Variants in GCSAML observed in about 807,000 individuals in gnomAD.
GCSAML encodes the protein germinal center associated signaling and motility like.
A neutral mutation model predicts 13.0 loss-of-function variants in GCSAML; 9 were observed. The ratio of observed to expected loss-of-function variants is 0.69; its 90% CI spans 0.42 to 1.21. The LOEUF (loss-of-function observed/expected upper bound fraction) is 1.21. Ranked by LOEUF, GCSAML falls within the 50% of genes most tolerant of loss-of-function variation. GCSAML has a pLI of 0.00. For synonymous variants in GCSAML, 37 were observed against 52.9 expected (o/e 0.70, Z 1.31); for missense variants, 143 against 153.4 (o/e 0.93, Z 0.36).
chr1:247,524,050 A>C (rs1040736130), intron 1 of GCSAML, among the ~76,000 whole-genome samples: 2 of 150,326 alleles, frequency 1.3e-5, no homozygotes, highest in Admixed American at 6.7e-5. Flanking sequence ...CAGTGAATTG[A>C]AAACCTAAAC....
At chr1:247,544,862 A>C (rs768890362), upstream of GCSAML, among the ~76,000 whole-genome samples, 1 of 152,188 alleles carries the variant, frequency 6.6e-6, no homozygotes. Flanking sequence ...TAAAACAAAA[A>C]CAAAACAAAA....
chr1:247,532,042 C>CTGG, intron 2 of GCSAML: 1 of 1,614,042 alleles, frequency 6.2e-7, no homozygotes, highest in East Asian at 2.2e-5. Flanking sequence ...GCCCACCATG[C>CTGG]TGGTGGTCAG....
chr1:247,548,521 T>G (rs779140985), upstream of GCSAML, among the ~76,000 whole-genome samples: 7 of 152,238 alleles, frequency 4.6e-5, no homozygotes, highest in African/African-American at 2.4e-5. This position sits in a 1 kb window ranked among gnomAD's most constrained non-coding sequence, Gnocchi z 5.3. Context: ...CCATCTTGTC[T>G]TTGAAAGTAT....
intron 3 of GCSAML, among the ~76,000 whole-genome samples, chr1:247,564,475 A>T (rs1208875705): frequency 6.6e-6 from 1 of 152,174 alleles, no homozygotes; most frequent in African/African-American, 2.4e-5. Flanking sequence ...TATGAATAAC[A>T]GGGCTCAGCC....
chr1:247,546,370 A>AT (rs199705621), upstream of GCSAML, among the ~76,000 whole-genome samples: 1,050 of 151,634 alleles, frequency 6.9e-3, 9 homozygotes, highest in African/African-American at 0.024. Context: ...ATTTATTTTT[A>AT]TTTTTTTGAG....
chr1:247,512,731 T>C (rs1666083087), intron 1 of GCSAML, among the ~76,000 whole-genome samples: 1 of 152,172 alleles, frequency 6.6e-6, no homozygotes, highest in South Asian at 2.1e-4. Flanking sequence ...ACGCTATTCC[T>C]TTCTGCTTGT....
chr1:247,559,177 T>C (rs752030423), intron 2 of GCSAML, among the ~76,000 whole-genome samples: 1 of 152,240 alleles, frequency 6.6e-6, no homozygotes, highest in Non-Finnish European at 1.5e-5. Context: ...TTTGAAAATA[T>C]ATTATGTAAT....
intron 2 of GCSAML, among the ~76,000 whole-genome samples, chr1:247,558,546 C>A (rs948223289): frequency 6.6e-6 from 1 of 152,170 alleles, no homozygotes; most frequent in African/African-American, 2.4e-5. Context: ...CAACCCCTGG[C>A]AACCACTGAT....
intron 4 of GCSAML, among the ~76,000 whole-genome samples, chr1:247,568,612 G>T (rs1424765143): frequency 2.6e-5 from 4 of 152,152 alleles, no homozygotes; most frequent in Non-Finnish European, 5.9e-5. Context: ...GTAGCGTGAT[G>T]CCTCCAGCTT....
intron 1 of GCSAML, among the ~76,000 whole-genome samples, chr1:247,512,833 C>G (rs1666086905): frequency 6.6e-6 from 1 of 152,142 alleles, no homozygotes; most frequent in Non-Finnish European, 1.5e-5. Flanking sequence ...TGGTTATCAC[C>G]AGCAGAGGCT....
rs555316856 is a variant in GCSAML, at chr1:247,571,530, C to G, written c.169-2613C>G. Among the ~76,000 whole-genome samples the G allele has an allele frequency of 3.5e-4, 53 of 152,276 alleles. No homozygotes were observed. In the South Asian group the frequency reaches 9.9e-3, roughly 29 times the overall value. ...TTTAAGAATGTTGAATATTGGCCCC[C>G]ACTCTCTTCTGGCTTGTAGGGTTTC... On this transcript the variant is annotated intron_variant, in intron 4 of 4. Coordinates refer to ENST00000366488, the MANE Select transcript of GCSAML (RefSeq NM_145278.5).
chr1:247,536,735 T>G (rs1442365157), intron 2 of GCSAML, among the ~76,000 whole-genome samples: 2 of 152,188 alleles, frequency 1.3e-5, no homozygotes, highest in Non-Finnish European at 2.9e-5. Context: ...ACTGGAATAT[T>G]ATTTTAGTTT....
At chr1:247,520,679 C>T (rs1037850920) in intron 1 of GCSAML, among the ~76,000 whole-genome samples, 31 of 152,206 alleles carry the variant, frequency 2.0e-4, no homozygotes, top group African/African-American at 7.2e-4. Context: ...CAGCCTCAAA[C>T]TCTTTAGGTT....
chr1:247,575,919 C>G lies in GCSAML; in HGVS notation c.*1537C>G, dbSNP rs1175424652. Reference sequence around the variant, plus strand: ...AGCTTCCTAATTTGGAGACAAAAGCCTTAATTGACAATGCATTCATTATAT... The same window carrying G: ...AGCTTCCTAATTTGGAGACAAAAGCGTTAATTGACAATGCATTCATTATAT... On this transcript the variant is annotated 3_prime_UTR_variant, in exon 5 of 5. Transcript: ENST00000366488. 6.6e-6 allele frequency: 1 copy of G among 152,098 alleles called. No homozygotes were observed. Among genetic ancestry groups the G allele is most frequent in the African/African-American group, 2.4e-5 (1 of 41,422 alleles). The allele number at this position is 152,098 out of a possible 1,614,324, so 9.4% of individuals were successfully genotyped here.
At chr1:247,512,842 C>T (rs1465252899) in intron 1 of GCSAML, among the ~76,000 whole-genome samples, 1 of 152,138 alleles carries the variant, frequency 6.6e-6, no homozygotes, top group African/African-American at 2.4e-5. Context: ...CCAGCAGAGG[C>T]TGCAGAACAG....
intron 4 of GCSAML, among the ~76,000 whole-genome samples, chr1:247,570,180 G>C (rs1400658383): frequency 6.6e-6 from 1 of 151,976 alleles, no homozygotes; most frequent in Non-Finnish European, 1.5e-5. Context: ...TTGATTTTTT[G>C]AAGGGTTTTT....
At chr1:247,509,038 A>C (rs536879546) in intron 1 of GCSAML, among the ~76,000 whole-genome samples, 1 of 152,292 alleles carries the variant, frequency 6.6e-6, no homozygotes, top group East Asian at 1.9e-4. Context: ...AATTATGTGA[A>C]GAATGTCAGT....
At chr1:247,510,495 T>G (rs1018190757) in intron 1 of GCSAML, among the ~76,000 whole-genome samples, 1 of 152,198 alleles carries the variant, frequency 6.6e-6, no homozygotes, top group Non-Finnish European at 1.5e-5. Context: ...TTTTCGTGTC[T>G]CTATCTCCTT....
intron 4 of GCSAML, among the ~76,000 whole-genome samples, chr1:247,569,449 A>G (rs185307348): frequency 2.0e-4 from 30 of 152,298 alleles, no homozygotes; most frequent in Admixed American, 4.6e-4. Context: ...CCTTTTCTGC[A>G]TCTATTGAGA....
Sources: gnomAD v4.1 joint callset for allele counts (sites outside exome capture counted in the v4.1 genomes callset) on GRCh38, gnomAD v4.1.1 for gene constraint, Gnocchi (gnomAD v3.1) non-coding constraint, MANE v1.5 for transcripts, NCBI Gene and HGNC (gene_info 2026-07-23, HGNC 2026-07-21) for gene names.